Variants in PRR3 observed in about 807,000 individuals in gnomAD.
PRR3 encodes proline rich 3.
In PRR3, 16 loss-of-function variants were observed where a neutral mutation model predicts 22.4. That is an observed-to-expected ratio of 0.71 (90% CI 0.48 to 1.09). PRR3 has a LOEUF of 1.09. Among genes scored for constraint, PRR3 ranks in the 50% least tolerant of loss-of-function variants. The probability of loss-of-function intolerance (pLI) is 0.00; values close to 1 mark genes in which losing one functional copy is unlikely to be tolerated. For missense variants in PRR3, 224 were observed against 243.4 expected (o/e 0.92, Z 0.53); for synonymous variants, 87 against 88.6 (o/e 0.98, Z 0.10).
At chr6:30,562,252 G>A (rs757952603) in intron 3 of PRR3, 128 bp downstream of exon 3, 4 of 1,231,234 alleles carry the variant, frequency 3.2e-6, no homozygotes, top group Non-Finnish European at 4.6e-6. Flanking sequence ...ATTTCTCCCA[G>A]GAGAAAGACT....
At position 30,562,497 on chromosome 6, in the gene PRR3, A is replaced by C. The variant is rs1239149286; in HGVS notation, c.*2A>C. 6.3e-7 allele frequency: 1 copy of C among 1,580,078 alleles called. No individual in the cohort carries two copies. Among genetic ancestry groups the C allele is most frequent in the Admixed American group, 1.7e-5 (1 of 59,910 alleles). ...GGCGTCAATGGACCTCCTCTGTGAG[A>C]CTGTGCCTTCCCATCCAGGCTGGAA... On this transcript the variant is annotated 3_prime_UTR_variant, in exon 4 of 4. Coordinates refer to ENST00000376560, the MANE Select transcript of PRR3 (RefSeq NM_025263.4).
At chr6:30,556,765 T>G, upstream of PRR3, 8 of 414,678 alleles carry the variant, frequency 1.9e-5, no homozygotes, top group Non-Finnish European at 1.8e-5. The surrounding 1 kb of genome is among the most constrained non-coding windows in gnomAD (Gnocchi z 5.7). Flanking sequence ...TCAGAGGTCT[T>G]TAGGGGAGGG....
rs1317405436 is a variant in PRR3 at position 30,557,374 on chromosome 6, CCAGCCACCGACACAGCAG to C, written c.36_53del (p.Thr14_Pro19del). ...CGAAACGAAAGAAGCAGAATCATCA[CCAGCCACCGACACAGCAG>C]CAGCCCCCGCTGCCCGAGCGGGAAG... On this transcript the variant is annotated inframe_deletion, in exon 1 of 4. Transcript: ENST00000376560. 6.2e-7 allele frequency: 1 copy of C among 1,612,588 alleles called. No individual in the cohort carries two copies. Among genetic ancestry groups the C allele is most frequent in the Non-Finnish European group, 8.5e-7 (1 of 1,179,964 alleles).
In PRR3 at chr6:30,562,422, C is replaced by A; in HGVS notation, c.494C>A (p.Ala165Asp). The A allele has an allele frequency of 1.2e-6, 2 of 1,614,114 alleles. No homozygotes were observed. Among genetic ancestry groups the A allele is most frequent in the Non-Finnish European group, 1.7e-6 (2 of 1,179,976 alleles). ...KSDRPVCRHF[A>D]KKGHCRYEDL... ...GACCGCCCTGTCTGCCGACATTTTG[C>A]CAAAAAGGGCCACTGTCGATATGAG... The change falls in exon 4 of 4, where the codon GCC becomes GAC. Residue 165 changes from alanine (A) to aspartate (D), a missense_variant. Transcript: ENST00000376560.
Position 30,562,058 on chromosome 6 carries a change from A to G in PRR3, c.394A>G (p.Arg132Gly). Reference protein sequence around the residue: ...SFHKEQRNPRRLKSWSLIKNT... With the variant: ...SFHKEQRNPRGLKSWSLIKNT... Reference sequence around the variant, plus strand: ...TCACAAGGAACAGAGAAACCCTCGAAGGCTCAAAAGCTGGTCTCTTATCAA... The same window carrying G: ...TCACAAGGAACAGAGAAACCCTCGAGGGCTCAAAAGCTGGTCTCTTATCAA... Residue 132 changes from arginine (R) to glycine (G), a missense_variant, in exon 3 of 4, where the codon AGG becomes GGG. Physicochemically the swap from Arg to Gly is moderately radical, Grantham distance 125 (BLOSUM62 -2). Transcript: ENST00000376560. The G allele has an allele frequency of 6.2e-7, 1 of 1,612,512 alleles. No individual in the cohort carries two copies. Among genetic ancestry groups the G allele is most frequent in the African/African-American group, 1.3e-5 (1 of 75,034 alleles).
chr6:30,557,364 A>G lies in PRR3; in HGVS notation c.20A>G (p.Gln7Arg). The change falls in exon 1 of 4, where the codon CAG (glutamine) becomes CGG (arginine). Residue 7 changes from glutamine to arginine, a missense_variant. Gln to Arg is a conservative substitution (Grantham distance 43). Coordinates refer to ENST00000376560, the MANE Select transcript of PRR3 (RefSeq NM_025263.4). ...GACACGATGCCGAAACGAAAGAAGC[A>G]GAATCATCACCAGCCACCGACACAG... MPKRKK[Q>R]NHHQPPTQQQ... 1 of 1,612,714 alleles carries G rather than the reference A, an allele frequency of 6.2e-7. No individual in the cohort carries two copies. The highest frequency in any genetic ancestry group is 8.5e-7 in the Non-Finnish European group (1 of 1,179,936).
chr6:30,557,176 T>C (rs1438379386), upstream of PRR3: 1 of 707,744 alleles, frequency 1.4e-6, no homozygotes, highest in South Asian at 1.5e-5. Context: ...AGGGAGGCAG[T>C]TGGCTCCGGA....
At chr6:30,558,448 G>C (rs576005734) in intron 2 of PRR3, 4 of 543,060 alleles carry the variant, frequency 7.4e-6, no homozygotes, top group African/African-American at 1.9e-5. Context: ...TGTTTTTGTG[G>C]AAATACACAT....
In PRR3 at chr6:30,558,352, G is replaced by T. The variant is rs1007372294; in HGVS notation, c.169+140G>T. ...AATGGAGAGAAGTTGTATATTTGCT[G>T]ATTTAAAAACTCAATGTTGTAAAAA... On this transcript the variant is annotated intron_variant, in intron 2 of 3. Transcript: ENST00000376560. The T allele has an allele frequency of 1.2e-5, 8 of 681,552 alleles. No homozygotes were observed. The African/African-American group carries it at 1.4e-4, about 12-fold the overall frequency. 42.2% of individuals were successfully genotyped at this position (681,552 alleles called of 1,614,324 possible).
upstream of PRR3, chr6:30,557,271 A>C (rs759645000): frequency 8.6e-7 from 1 of 1,156,374 alleles, no homozygotes; most frequent in South Asian, 1.3e-5. Context: ...ACCCCCCGGA[A>C]GCGGAAACAG....
At chr6:30,557,240 C>T (rs914968618), upstream of PRR3, 1 of 860,224 alleles carries the variant, frequency 1.2e-6, no homozygotes, top group African/African-American at 1.7e-5. Context: ...ATGGCGGGAG[C>T]CTCAGCATTG....
Position 30,557,300 on chromosome 6 carries a change from C to T in PRR3, c.-45C>T. On this transcript the variant is annotated 5_prime_UTR_variant, in exon 1 of 4. Transcript: ENST00000376560. ...GAAACAGAATCCCCGCGTGCCCCTT[C>T]CTCACTACCCTCCAAATCCCGCTGC... The T allele has an allele frequency of 2.7e-6, 4 of 1,500,068 alleles. No homozygotes were observed. Among genetic ancestry groups the T allele is most frequent in the Non-Finnish European group, 3.7e-6 (4 of 1,086,624 alleles). 92.9% of individuals were successfully genotyped at this position (1,500,068 alleles called of 1,614,324 possible).
chr6:30,559,340 G>A (rs945480488), intron 2 of PRR3, among the ~76,000 whole-genome samples: 4 of 152,148 alleles, frequency 2.6e-5, no homozygotes, highest in Admixed American at 6.5e-5. Context: ...TTGCACCACT[G>A]CACTCCAGCC....
In PRR3 at chr6:30,557,455, G is replaced by A; in HGVS notation, c.106+5G>A. On this transcript the variant is annotated splice_donor_5th_base_variant and intron_variant, in intron 1 of 3. Transcript: ENST00000376560. ...AGGAGGATGGGAGTCCCATCGGTGA[G>A]GGGTCTGGGAGGGATGTGCACATGC... The A allele has an allele frequency of 6.3e-7, 1 of 1,599,990 alleles. No homozygotes were observed. The highest frequency in any genetic ancestry group is 8.5e-7 in the Non-Finnish European group (1 of 1,170,752).
Position 30,558,150 on chromosome 6 carries a change from G to T in PRR3, c.107G>T (p.Gly36Val). 6.2e-7 allele frequency: 1 copy of T among 1,612,656 alleles called. No homozygotes were observed. Among genetic ancestry groups the T allele is most frequent in the Non-Finnish European group, 8.5e-7 (1 of 1,179,746 alleles). The change falls in exon 2 of 4, where the codon GGA (glycine) becomes GTA (valine). Residue 36 changes from glycine (G) to valine (V), a missense_variant and splice_region_variant. Gly to Val is a moderately radical substitution (Grantham distance 109). Coordinates refer to ENST00000376560, the MANE Select transcript of PRR3 (RefSeq NM_025263.4). The stretch of plus-strand genomic sequence containing the variant: ...ACCATATTTTCATGTCTGCTCTTAG[G>T]ACCACCCAGCCTTCTGGGCCCTCCC... ...TGDEEDGSPI[G>V]PPSLLGPPPM...
chr6:30,556,779 C>T (rs1800242460), upstream of PRR3: 1 of 443,198 alleles, frequency 2.3e-6, no homozygotes, highest in East Asian at 4.7e-5. This position sits in a 1 kb window ranked among gnomAD's most constrained non-coding sequence, Gnocchi z 5.7. Flanking sequence ...GGGAGGGCGG[C>T]GGTCTGAGAG....
upstream of PRR3, chr6:30,557,027 C>T (rs890004244): frequency 1.4e-6 from 1 of 695,470 alleles, no homozygotes; most frequent in South Asian, 1.5e-5. Flanking sequence ...GCCCGAGAGC[C>T]TGTTGACTCT....
At position 30,562,370 on chromosome 6, in the gene PRR3, C is replaced by T; in HGVS notation, c.461-19C>T. ...TTGTTGCTCAAATTTTTAACTGTTC[C>T]ATTTTCACTTGTTCACAGACAAATC... On this transcript the variant is annotated intron_variant, in intron 3 of 3. Transcript: ENST00000376560. The T allele has an allele frequency of 6.3e-7, 1 of 1,586,414 alleles. No homozygotes were observed. The highest frequency in any genetic ancestry group is 1.1e-5 in the South Asian group (1 of 89,878).
chr6:30,556,944 A>G (rs769343244), upstream of PRR3: 7 of 620,952 alleles, frequency 1.1e-5, no homozygotes, highest in Admixed American at 7.9e-5. The surrounding 1 kb of genome is among the most constrained non-coding windows in gnomAD (Gnocchi z 5.7). Flanking sequence ...TTGTGCCTGC[A>G]GCTGTTACCA....
Sources: gnomAD v4.1 joint callset for allele counts (sites outside exome capture counted in the v4.1 genomes callset) on GRCh38, gnomAD v4.1.1 for gene constraint, Gnocchi (gnomAD v3.1) non-coding constraint, MANE v1.5 for transcripts, NCBI Gene and HGNC (gene_info 2026-07-23, HGNC 2026-07-21) for gene names.